EPS15: variants seen among roughly 807,000 people sequenced by gnomAD.
The protein encoded by EPS15 is epidermal growth factor receptor pathway substrate 15.
EPS15 carries 72 observed loss-of-function variants against 113.8 expected under a neutral mutation model. The ratio of observed to expected loss-of-function variants is 0.63; its 90% CI spans 0.52 to 0.77. EPS15 has a LOEUF of 0.77. Among genes scored for constraint, EPS15 ranks in the 30% least tolerant of loss-of-function variants. The pLI is 0.00. For synonymous variants in EPS15, 344 were observed against 363.4 expected, an observed-to-expected ratio of 0.95 and a Z score of 0.61; for missense variants, 1,048 against 1,045.8, an observed-to-expected ratio of 1.00 and a Z score of -0.03.
At position 51,356,504 on chromosome 1, in the gene EPS15, C is replaced by T. The variant is rs1394923098; in HGVS notation, c.*196G>A. The T allele has an allele frequency of 1.9e-5, 9 of 474,618 alleles. No individual in the cohort carries two copies. The highest frequency in any genetic ancestry group is 4.2e-5 in the Admixed American group (1 of 24,026). 29.4% of individuals were successfully genotyped at this position (474,618 alleles called of 1,614,324 possible). ...AAGGTGAATTTGTCTGACTGGGTTACGGCTTTTATAAGAAAAAAAAAAAAA... is the reference window on the plus strand; with the variant it reads ...AAGGTGAATTTGTCTGACTGGGTTATGGCTTTTATAAGAAAAAAAAAAAAA... On this transcript the variant is annotated 3_prime_UTR_variant, in exon 25 of 25. Transcript: ENST00000371733.
At chr1:51,368,549 AG>A (rs1452674555) in intron 21 of EPS15, among the ~76,000 whole-genome samples, 2 of 151,194 alleles carry the variant, frequency 1.3e-5, no homozygotes, top group Admixed American at 1.3e-4. Context: ...AGGTAGTTTC[AG>A]GGTTTCCCTT....
At chr1:51,484,962 A>G (rs987134908) in intron 1 of EPS15, among the ~76,000 whole-genome samples, 9 of 146,326 alleles carry the variant, frequency 6.2e-5, no homozygotes, top group Non-Finnish European at 1.3e-4. Flanking sequence ...ACAACTGTTT[A>G]TTTATTTTGT....
chr1:51,463,621 A>G, intron 7 of EPS15, 52 bp downstream of exon 7: 1 of 1,038,778 alleles, frequency 9.6e-7, no homozygotes. Flanking sequence ...GGCATAATAG[A>G]TATAAAATTA....
At chr1:51,365,047 G>C (rs1042711817) in intron 22 of EPS15, among the ~76,000 whole-genome samples, 2 of 152,122 alleles carry the variant, frequency 1.3e-5, no homozygotes, top group Non-Finnish European at 2.9e-5. Flanking sequence ...GCCCAGGCTG[G>C]TCTTGAACTC....
At chr1:51,514,739 G>A (rs1644684186) in intron 1 of EPS15, among the ~76,000 whole-genome samples, 1 of 152,172 alleles carries the variant, frequency 6.6e-6, no homozygotes, top group African/African-American at 2.4e-5. Flanking sequence ...CTTGCTATTG[G>A]ATGAACTTGT....
intron 21 of EPS15, among the ~76,000 whole-genome samples, chr1:51,367,413 C>T (rs763204271): frequency 3.3e-5 from 5 of 152,008 alleles, no homozygotes; most frequent in Non-Finnish European, 5.9e-5. Flanking sequence ...ATTAGCTGGG[C>T]GTGGTGGTGC....
chr1:51,451,352 G>A lies in EPS15; in HGVS notation c.562-3217C>T, dbSNP rs936706607. On this transcript the variant is annotated intron_variant, in intron 8 of 24. Coordinates refer to ENST00000371733, the MANE Select transcript of EPS15 (RefSeq NM_001981.3). Reference sequence around the variant, plus strand: ...AAAAATACAAAAAAATTAGCCAGGCGTGGTGGCGCATGCCTGTAATCCCAG... The same window carrying A: ...AAAAATACAAAAAAATTAGCCAGGCATGGTGGCGCATGCCTGTAATCCCAG... Among the ~76,000 whole-genome samples, 15 of 151,382 alleles carry A rather than the reference G, an allele frequency of 9.9e-5. 1 individual carries two copies. Among genetic ancestry groups the A allele is most frequent in the African/African-American group, 3.4e-4 (14 of 41,036 alleles).
At position 51,488,472 on chromosome 1, in the gene EPS15, T is replaced by TAAAAA. The variant is rs71063033; in HGVS notation, c.34-7163_34-7159dup. Among the ~76,000 whole-genome samples, 205 of 85,270 alleles carry TAAAAA rather than the reference T, an allele frequency of 2.4e-3. 2 individuals are homozygous for TAAAAA. Among genetic ancestry groups the TAAAAA allele is most frequent in the Middle Eastern group, 7.0e-3 (1 of 142 alleles). 55.9% of individuals were successfully genotyped at this position (85,270 alleles called of 152,430 possible). On this transcript the variant is annotated intron_variant, in intron 1 of 24. Coordinates refer to ENST00000371733, the MANE Select transcript of EPS15 (RefSeq NM_001981.3). ...ATGCTAGAAAGCCAATAAAGTTTTG[T>TAAAAA]AAAAAAAAAAAAAAAAAAAAAAAAC...
intron 8 of EPS15, chr1:51,458,602 T>C (rs1162198711): frequency 4.6e-6 from 2 of 435,530 alleles, no homozygotes; most frequent in Non-Finnish European, 9.2e-6. Context: ...CCGGGGGTGG[T>C]GGTGCATGCC....
In EPS15 at chr1:51,508,338, G is replaced by GAGAAAGAGAGAAAGAA. The variant is rs1553139583; in HGVS notation, c.33+10860_33+10861insTTCTTTCTCTCTTTCT. Among the ~76,000 whole-genome samples the GAGAAAGAGAGAAAGAA allele has an allele frequency of 3.3e-4, 40 of 122,330 alleles. 1 individual carries two copies. Among genetic ancestry groups the GAGAAAGAGAGAAAGAA allele is most frequent in the Non-Finnish European group, 4.1e-4 (24 of 58,864 alleles). 80.3% of individuals were successfully genotyped at this position (122,330 alleles called of 152,430 possible). On this transcript the variant is annotated intron_variant, in intron 1 of 24. Transcript: ENST00000371733. ...AGAGAGAAAGAGAGAAAGAGAAAGA[G>GAGAAAGAGAGAAAGAA]AGAAAGAAAGAAAGAAAGAAAGAAA...
intron 12 of EPS15, among the ~76,000 whole-genome samples, chr1:51,435,875 G>C (rs965292855): frequency 1.3e-5 from 2 of 152,186 alleles, no homozygotes; most frequent in Non-Finnish European, 2.9e-5. Context: ...CTTGACAGAA[G>C]AGACAATATT....
At chr1:51,507,665 A>T (rs1466319323) in intron 1 of EPS15, among the ~76,000 whole-genome samples, 1 of 151,988 alleles carries the variant, frequency 6.6e-6, no homozygotes, top group Non-Finnish European at 1.5e-5. Flanking sequence ...CATCTCAGAA[A>T]AAAAAAAAGG....
At chr1:51,429,711 C>T (rs771377387) in intron 12 of EPS15, among the ~76,000 whole-genome samples, 1 of 148,832 alleles carries the variant, frequency 6.7e-6, no homozygotes, top group African/African-American at 2.5e-5. Context: ...AGTGCAGTGG[C>T]GCGATCTTGG....
intron 8 of EPS15, among the ~76,000 whole-genome samples, chr1:51,450,245 G>A (rs1247972282): frequency 6.6e-6 from 1 of 151,758 alleles, no homozygotes; most frequent in African/African-American, 2.4e-5. Flanking sequence ...CACACTGGGG[G>A]GGGCTGTATT....
intron 1 of EPS15, among the ~76,000 whole-genome samples, chr1:51,483,892 C>T (rs1217460732): frequency 6.6e-6 from 1 of 151,900 alleles, no homozygotes; most frequent in African/African-American, 2.4e-5. Flanking sequence ...GGGAGGATTG[C>T]TTCAATCTAA....
At chr1:51,467,849 G>A (rs1654957134) in intron 5 of EPS15, among the ~76,000 whole-genome samples, 1 of 152,072 alleles carries the variant, frequency 6.6e-6, no homozygotes, top group Non-Finnish European at 1.5e-5. Flanking sequence ...ATCCCTCCCA[G>A]GTCCATGGAA....
chr1:51,465,303 T>TCA lies in EPS15; in HGVS notation c.332_333insTG (p.Ile112GlufsTer14). 6.2e-7 allele frequency: 1 copy of TCA among 1,611,474 alleles called. No homozygotes were observed. The highest frequency in any genetic ancestry group is 2.2e-5 in the East Asian group (1 of 44,788). The stretch of plus-strand genomic sequence containing the variant: ...GCTCAGCTGCAGAGGTTCCACTGAT[T>TCA]AGCAAAGGACTACTGGTATCATGCT... On this transcript the variant is annotated frameshift_variant, in exon 6 of 25. Transcript: ENST00000371733. LOFTEE classifies it high-confidence loss of function.
intron 24 of EPS15, among the ~76,000 whole-genome samples, chr1:51,357,951 C>CCACTT (rs1646280249): frequency 6.6e-6 from 1 of 152,024 alleles, no homozygotes; most frequent in Non-Finnish European, 1.5e-5. Context: ...GTTGGTTAGG[C>CCACTT]TGATCTCGAA....
intron 6 of EPS15, among the ~76,000 whole-genome samples, chr1:51,464,624 A>C (rs780246964): frequency 4.6e-5 from 7 of 152,196 alleles, no homozygotes; most frequent in African/African-American, 1.2e-4. Context: ...TGTCAATAAC[A>C]AGATATCTCC....
Sources: gnomAD v4.1 joint callset for allele counts (sites outside exome capture counted in the v4.1 genomes callset) on GRCh38, gnomAD v4.1.1 for gene constraint, MANE v1.5 for transcripts, NCBI Gene and HGNC (gene_info 2026-07-23, HGNC 2026-07-21) for gene names.